N4BP2L1: variants seen among roughly 807,000 people sequenced by gnomAD.
N4BP2L1 encodes NEDD4-binding protein 2-like 1.
A neutral mutation model predicts 21.2 loss-of-function variants in N4BP2L1; 12 were observed. The ratio of observed to expected loss-of-function variants is 0.57; its 90% confidence interval spans 0.36 to 0.92. N4BP2L1 has a LOEUF of 0.92. N4BP2L1 is among the 40% of genes least tolerant of loss of function. N4BP2L1 has a pLI of 0.01. For missense variants in N4BP2L1, 259 were observed against 310.6 expected, an observed-to-expected ratio of 0.83 and a Z score of 1.25; for synonymous variants, 104 against 112.8, an observed-to-expected ratio of 0.92 and a Z score of 0.49.
chr13:32,407,552 T>C (rs1451888886), intron 2 of N4BP2L1, 93 bp downstream of exon 2: 1 of 1,602,520 alleles, frequency 6.2e-7, no homozygotes, highest in Middle Eastern at 1.7e-4. Context: ...GAACTTTCGG[T>C]TAAACTCCTT....
chr13:32,413,205 C>T (rs1370453666), intron 1 of N4BP2L1, among the ~76,000 whole-genome samples: 2 of 152,194 alleles, frequency 1.3e-5, no homozygotes, highest in Admixed American at 6.5e-5. Context: ...GGATTACAGG[C>T]ATGAGCCACC....
intron 1 of N4BP2L1, among the ~76,000 whole-genome samples, chr13:32,423,843 G>C (rs909884885): frequency 1.3e-5 from 2 of 152,200 alleles, no homozygotes; most frequent in Non-Finnish European, 2.9e-5. Flanking sequence ...AGAAATTTTT[G>C]AAATAGATAG....
At chr13:32,429,446 C>A (rs1272014754), upstream of N4BP2L1, among the ~76,000 whole-genome samples, 1 of 152,204 alleles carries the variant, frequency 6.6e-6, no homozygotes, top group Non-Finnish European at 1.5e-5. Context: ...ATACATAAAT[C>A]GTAAAAATAG....
intron 3 of N4BP2L1, chr13:32,406,605 G>A (rs1037333372): frequency 6.6e-6 from 1 of 152,364 alleles, no homozygotes; most frequent in African/African-American, 2.4e-5. Context: ...AAGTAGCTAG[G>A]ATTACAGGCG....
intron 2 of N4BP2L1, 36 bp from the exon 3 acceptor site, chr13:32,407,374 C>T (rs2073581883): frequency 1.2e-6 from 2 of 1,613,878 alleles, no homozygotes; most frequent in Non-Finnish European, 8.5e-7. Context: ...GAACAACATG[C>T]AACAATCAGA....
chr13:32,420,126 T>C (rs1197427820), intron 1 of N4BP2L1, among the ~76,000 whole-genome samples: 2 of 152,248 alleles, frequency 1.3e-5, no homozygotes, highest in South Asian at 4.1e-4. Flanking sequence ...TCTGCCCTAC[T>C]TCTCTTACCT....
Position 32,407,529 on chromosome 13 carries a change from G to C in N4BP2L1, c.307+116C>G, listed in dbSNP as rs777074299. 2.7e-5 allele frequency: 43 copies of C among 1,595,686 alleles called. No homozygotes were observed. In the East Asian group the frequency reaches 9.0e-4, roughly 33 times the overall value. Reference sequence around the variant, plus strand: ...TTATGCTCTGGTGTTCTGTTTTGGGGGAAAAATTGGCAGAACTTTCGGTTA... The same window carrying C: ...TTATGCTCTGGTGTTCTGTTTTGGGCGAAAAATTGGCAGAACTTTCGGTTA... On this transcript the variant is annotated intron_variant, in intron 2 of 4. Transcript: ENST00000380130.
rs1380501189 is a variant in N4BP2L1 at position 32,402,458 on chromosome 13, A to G, written c.*484T>C. On this transcript the variant is annotated 3_prime_UTR_variant, in exon 5 of 5. Coordinates refer to ENST00000380130, the MANE Select transcript of N4BP2L1 (RefSeq NM_052818.3). ...AAAATCAGTATCATAAGAGTCGCAC[A>G]TCTCACATTTTTAGATACATAGATT... 1 of 970,534 alleles carries G rather than the reference A, an allele frequency of 1.0e-6. No homozygotes were observed. Among genetic ancestry groups the G allele is most frequent in the African/African-American group, 1.8e-5 (1 of 56,616 alleles). The allele number at this position is 970,534 out of a possible 1,614,324, so 60.1% of individuals were successfully genotyped here. A position where few individuals can be genotyped will look rare whatever the true frequency, so the allele number is the denominator to read the frequency against.
At chr13:32,412,977 G>A (rs202039452) in intron 1 of N4BP2L1, among the ~76,000 whole-genome samples, 3 of 152,178 alleles carry the variant, frequency 2.0e-5, no homozygotes, top group African/African-American at 7.2e-5. Context: ...AGGCTGGAGT[G>A]CAGTGGCACG....
chr13:32,421,130 T>C (rs1038662669), intron 1 of N4BP2L1, among the ~76,000 whole-genome samples: 2 of 152,248 alleles, frequency 1.3e-5, no homozygotes, highest in African/African-American at 4.8e-5. Flanking sequence ...AATGCATTCA[T>C]CAAATGTTGA....
At chr13:32,419,516 C>T (rs560570226) in intron 1 of N4BP2L1, 8 of 301,960 alleles carry the variant, frequency 2.6e-5, no homozygotes, top group South Asian at 1.3e-4. Flanking sequence ...AGGTGATCTG[C>T]CTGCCTTGGC....
intron 1 of N4BP2L1, among the ~76,000 whole-genome samples, chr13:32,426,176 C>A (rs1368273943): frequency 1.3e-5 from 2 of 152,192 alleles, no homozygotes; most frequent in African/African-American, 4.8e-5. Flanking sequence ...TGTTACTTCG[C>A]TTCCCAACAG....
chr13:32,410,150 C>T, intron 1 of N4BP2L1, among the ~76,000 whole-genome samples: 1 of 152,202 alleles, frequency 6.6e-6, no homozygotes, highest in East Asian at 1.9e-4. Context: ...TCAGGTGGGC[C>T]GATCTGCGGG....
At chr13:32,405,001 T>C (rs693963) in intron 3 of N4BP2L1, among the ~76,000 whole-genome samples, 74,500 of 151,944 alleles carry the variant, frequency 0.49, 19,333 homozygotes, top group East Asian at 0.7. Flanking sequence ...TGACTACTAC[T>C]TTATCTCAAA....
chr13:32,427,833 C>T (rs1379019056), intron 1 of N4BP2L1, 71 bp downstream of exon 1: 11 of 1,096,946 alleles, frequency 1.0e-5, no homozygotes, highest in Non-Finnish European at 9.5e-6. Flanking sequence ...CGGCTTGGGG[C>T]AGGGGTGCGC....
intron 1 of N4BP2L1, among the ~76,000 whole-genome samples, chr13:32,426,459 G>A (rs577844797): frequency 2.6e-5 from 4 of 152,192 alleles, no homozygotes; most frequent in African/African-American, 9.6e-5. Context: ...ATTGAAATGT[G>A]TCCCTGGTTT....
At chr13:32,409,908 C>T (rs1461315233) in intron 1 of N4BP2L1, among the ~76,000 whole-genome samples, 1 of 152,134 alleles carries the variant, frequency 6.6e-6, no homozygotes, top group Admixed American at 6.5e-5. Flanking sequence ...AATCTGACTG[C>T]CACACAATTT....
chr13:32,404,269 T>C (rs2073336506), intron 4 of N4BP2L1, 52 bp downstream of exon 4: 1 of 1,582,464 alleles, frequency 6.3e-7, no homozygotes, highest in Non-Finnish European at 8.7e-7. Context: ...CGGTCTGAAA[T>C]ACCTGAAAAT....
At chr13:32,420,323 G>C (rs1461162772) in intron 1 of N4BP2L1, 1 of 152,236 alleles carries the variant, frequency 6.6e-6, no homozygotes, top group Non-Finnish European at 1.5e-5. Flanking sequence ...TTTGTGTTCT[G>C]TTGGTTCAGT....
Sources: allele counts gnomAD v4.1 joint callset (sites outside exome capture counted in the v4.1 genomes callset), GRCh38; gene constraint gnomAD v4.1.1; transcripts MANE v1.5; gene names NCBI Gene and HGNC (gene_info 2026-07-23, HGNC 2026-07-21).